CNTNAP2: variants seen among roughly 807,000 people sequenced by gnomAD.
CNTNAP2 encodes contactin associated protein 2.
A neutral mutation model predicts 155.2 loss-of-function variants in CNTNAP2; 98 were observed. That is an observed-to-expected ratio of 0.63 (90% CI 0.54 to 0.75). CNTNAP2 has a LOEUF of 0.75. Ranked by LOEUF, CNTNAP2 falls within the 30% of genes least tolerant of loss-of-function variation. The pLI, the probability that CNTNAP2 is intolerant of heterozygous loss-of-function variation, is 0.00. For synonymous variants in CNTNAP2, 651 were observed against 631.2 expected (o/e 1.03, Z -0.47); for missense variants, 1,727 against 1,688.1 (o/e 1.02, Z -0.40).
intron 13 of CNTNAP2, among the ~76,000 whole-genome samples, chr7:147,693,450 AATATTGAG>A (rs1796119027): frequency 6.6e-6 from 1 of 152,072 alleles, no homozygotes; most frequent in Non-Finnish European, 1.5e-5. Context: ...ATATTGTGAT[AATATTGAG>A]TCTTTCAAAC....
intron 1 of CNTNAP2, among the ~76,000 whole-genome samples, chr7:146,303,634 C>G (rs1428515900): frequency 6.6e-6 from 1 of 152,004 alleles, no homozygotes; most frequent in Non-Finnish European, 1.5e-5. Context: ...GTCTGAGAGA[C>G]AGTTTGTTAT....
chr7:147,851,006 T>A (rs185042453), intron 13 of CNTNAP2, among the ~76,000 whole-genome samples: 10,141 of 152,040 alleles, frequency 0.067, 433 homozygotes, highest in Middle Eastern at 0.16. Flanking sequence ...TGGGAAAAAA[T>A]TTTTGCAATC....
Position 146,349,427 on chromosome 7 carries a change from G to A in CNTNAP2, c.97+232454G>A, listed in dbSNP as rs553513376. Among the ~76,000 whole-genome samples, 139 of 152,234 alleles carry A rather than the reference G, an allele frequency of 9.1e-4. 1 individual carries two copies. Among genetic ancestry groups the A allele is most frequent in the African/African-American group, 3.2e-3 (133 of 41,552 alleles). Reference sequence around the variant, plus strand: ...CTTATGGCATAATGAAAACAAAAACGAAGAGCTAATTGCAAACTTATGCAT... The same window carrying A: ...CTTATGGCATAATGAAAACAAAAACAAAGAGCTAATTGCAAACTTATGCAT... On this transcript the variant is annotated intron_variant, in intron 1 of 23. Transcript: ENST00000361727.
Position 147,397,020 on chromosome 7 carries a change from T to C in CNTNAP2, c.1670+1240T>C, listed in dbSNP as rs141212488. Among the ~76,000 whole-genome samples, 332 of 152,206 alleles carry C rather than the reference T, an allele frequency of 2.2e-3. 12 individuals carry two copies. In the East Asian group the frequency reaches 0.056, roughly 25 times the overall value. ...AAAATAATCTATTTTGAAGTAAGTT[T>C]GCTTTCATAAAATCTGAATAAGATG... On this transcript the variant is annotated intron_variant, in intron 10 of 23. Transcript: ENST00000361727.
intron 2 of CNTNAP2, 119 bp downstream of exon 2, chr7:146,774,500 G>T: frequency 1.4e-6 from 1 of 714,410 alleles, no homozygotes. Flanking sequence ...AATCACTCCT[G>T]CCACTTCTAT....
chr7:146,245,937 C>T (rs1312286919), intron 1 of CNTNAP2, among the ~76,000 whole-genome samples: 1 of 124,394 alleles, frequency 8.0e-6, no homozygotes, highest in Non-Finnish European at 1.5e-5. Context: ...GGGTTTGGCA[C>T]CATGAGGTGG....
chr7:147,634,930 G>A (rs28610070), intron 12 of CNTNAP2, among the ~76,000 whole-genome samples: 1 of 151,972 alleles, frequency 6.6e-6, no homozygotes, highest in African/African-American at 2.4e-5. Flanking sequence ...GTCACTCAGT[G>A]GACTCTTTGT....
chr7:146,553,416 G>T (rs1193693220), intron 1 of CNTNAP2, among the ~76,000 whole-genome samples: 1 of 151,788 alleles, frequency 6.6e-6, no homozygotes. Flanking sequence ...TATTTGTTCT[G>T]AATGTTTCTC....
intron 1 of CNTNAP2, among the ~76,000 whole-genome samples, chr7:146,452,359 A>G (rs116347716): frequency 0.026 from 3,909 of 152,320 alleles, 69 homozygotes; most frequent in Middle Eastern, 0.051. Flanking sequence ...CCCAGTACAT[A>G]ATCTATGACA....
At chr7:148,013,161 C>G (rs1432875548) in intron 15 of CNTNAP2, 1 of 152,162 alleles carries the variant, frequency 6.6e-6, no homozygotes, top group Non-Finnish European at 1.5e-5. Context: ...CACCAACATG[C>G]TGACAATAGA....
chr7:146,619,202 AAT>A (rs1799278159), intron 1 of CNTNAP2, among the ~76,000 whole-genome samples: 1 of 152,174 alleles, frequency 6.6e-6, no homozygotes, highest in South Asian at 2.1e-4. Flanking sequence ...AATAGTGTGT[AAT>A]ATTTAAATTC....
intron 15 of CNTNAP2, among the ~76,000 whole-genome samples, chr7:148,018,953 G>T (rs1802229359): frequency 6.6e-6 from 1 of 152,308 alleles, no homozygotes; most frequent in Non-Finnish European, 1.5e-5. Flanking sequence ...TGAAGCCAAG[G>T]TTTCTTCCAA....
intron 9 of CNTNAP2, among the ~76,000 whole-genome samples, chr7:147,376,975 A>G (rs1048614879): frequency 6.6e-6 from 1 of 151,804 alleles, no homozygotes; most frequent in African/African-American, 2.4e-5. Flanking sequence ...TTTACTTTCA[A>G]ATTTTCTTAG....
At chr7:148,129,111 C>A (rs904544284) in intron 16 of CNTNAP2, among the ~76,000 whole-genome samples, 1 of 152,164 alleles carries the variant, frequency 6.6e-6, no homozygotes, top group African/African-American at 2.4e-5. Flanking sequence ...GCTTGTCCCT[C>A]GGCTGGGGCT....
chr7:146,307,568 G>T (rs182679712), intron 1 of CNTNAP2, among the ~76,000 whole-genome samples: 15 of 152,188 alleles, frequency 9.9e-5, no homozygotes, highest in Non-Finnish European at 1.9e-4. Flanking sequence ...CACACTACCT[G>T]ACTTCAAACT....
intron 3 of CNTNAP2, among the ~76,000 whole-genome samples, chr7:146,926,761 G>A (rs1474317298): frequency 6.6e-6 from 1 of 151,978 alleles, no homozygotes; most frequent in Admixed American, 6.6e-5. Context: ...AAGTTGTAAG[G>A]GAGCTCTTCT....
intron 23 of CNTNAP2, 75 bp downstream of exon 23, chr7:148,409,546 T>C: frequency 7.4e-7 from 1 of 1,356,442 alleles, no homozygotes; most frequent in Non-Finnish European, 1.1e-6. Context: ...AACATAGTAG[T>C]CTAGGAAAAA....
rs146096830 is a variant in CNTNAP2 at position 146,408,851 on chromosome 7, T to TA, written c.97+291888dup. Among the ~76,000 whole-genome samples the TA allele has an allele frequency of 4.0e-3, 588 of 148,338 alleles. 3 individuals are homozygous for TA. The highest frequency in any genetic ancestry group is 7.0e-3 in the Non-Finnish European group (465 of 66,766). On this transcript the variant is annotated intron_variant, in intron 1 of 23. Coordinates refer to ENST00000361727, the MANE Select transcript of CNTNAP2 (RefSeq NM_014141.6). The stretch of plus-strand genomic sequence containing the variant: ...GATATTTGAAATAATACACAGATAT[T>TA]AAAAAAAAAAGAATCAAGAAAAGAG...
At chr7:147,908,689 C>T (rs566698171) in intron 14 of CNTNAP2, among the ~76,000 whole-genome samples, 63 of 152,226 alleles carry the variant, frequency 4.1e-4, no homozygotes, top group Non-Finnish European at 7.2e-4. Context: ...GTAGCACATA[C>T]ATCCAAATGA....
Sources: allele counts gnomAD v4.1 joint callset (sites outside exome capture counted in the v4.1 genomes callset), GRCh38; gene constraint gnomAD v4.1.1; transcripts MANE v1.5; gene names NCBI Gene and HGNC (gene_info 2026-07-23, HGNC 2026-07-21).